ADGRL3: variants seen among roughly 807,000 people sequenced by gnomAD.
ADGRL3 encodes adhesion G protein-coupled receptor L3, also known as calcium-independent alpha-latrotoxin receptor 3.
ADGRL3 carries 62 observed loss-of-function variants against 153.5 expected under a neutral mutation model. The observed-to-expected ratio is 0.40, with a 90% CI of 0.33 to 0.50. The LOEUF (loss-of-function observed/expected upper bound fraction) is 0.50, where lower values mean the gene tolerates loss of function less well. Ranked by LOEUF, ADGRL3 falls within the 20% of genes least tolerant of loss-of-function variation. The pLI, the probability that ADGRL3 is intolerant of heterozygous loss-of-function variation, is 0.47. For synonymous variants in ADGRL3, 710 were observed against 672.5 expected (o/e 1.06, Z -0.86); for missense variants, 1,641 against 1,859.4 (o/e 0.88, Z 2.16).
intron 5 of ADGRL3, among the ~76,000 whole-genome samples, chr4:61,612,693 A>G (rs1338234757): frequency 2.0e-5 from 3 of 152,182 alleles, no homozygotes; most frequent in Non-Finnish European, 4.4e-5. Context: ...GCTAAAACCA[A>G]AAGTGATGGA....
At chr4:61,789,912 G>T (rs2152427936) in intron 8 of ADGRL3, among the ~76,000 whole-genome samples, 1 of 152,224 alleles carries the variant, frequency 6.6e-6, no homozygotes, top group South Asian at 2.1e-4. Context: ...CTCAGCACCT[G>T]TTATTAAAAA....
intron 5 of ADGRL3, 84 bp downstream of exon 5, chr4:61,587,524 T>C: frequency 9.9e-7 from 1 of 1,007,686 alleles, no homozygotes; most frequent in Non-Finnish European, 1.5e-6. Context: ...CATAAGAACA[T>C]AAACAGTGTT....
chr4:61,955,116 G>C lies in ADGRL3; in HGVS notation c.2805+6840G>C, dbSNP rs555746149. Reference sequence around the variant, plus strand: ...AGTAGGGGATAGTGGGTTAGCGTAGGTGTTTTTTGTTTTGTTTCTAAATTT... The same window carrying C: ...AGTAGGGGATAGTGGGTTAGCGTAGCTGTTTTTTGTTTTGTTTCTAAATTT... On this transcript the variant is annotated intron_variant, in intron 17 of 26. Transcript: ENST00000683033. Among the ~76,000 whole-genome samples the C allele has an allele frequency of 1.6e-4, 24 of 152,266 alleles. No homozygotes were observed. The South Asian group carries it at 5.0e-3, about 32-fold the overall frequency.
intron 9 of ADGRL3, among the ~76,000 whole-genome samples, chr4:61,871,022 T>C (rs1412583076): frequency 2.0e-5 from 3 of 152,140 alleles, no homozygotes; most frequent in Non-Finnish European, 4.4e-5. Flanking sequence ...CTCATGCCTG[T>C]AATCCCAGCT....
intron 21 of ADGRL3, among the ~76,000 whole-genome samples, chr4:62,023,845 A>G (rs1716730819): frequency 6.6e-6 from 1 of 152,144 alleles, no homozygotes; most frequent in Non-Finnish European, 1.5e-5. Context: ...GACTCACTTT[A>G]TTGTGATGGT....
chr4:61,346,953 C>A (rs2095926669), intron 1 of ADGRL3, among the ~76,000 whole-genome samples: 1 of 151,962 alleles, frequency 6.6e-6, no homozygotes, highest in South Asian at 2.1e-4. Flanking sequence ...AACTGTGTCA[C>A]ATAAAGAAAT....
At chr4:61,251,251 G>C (rs1302906725) in intron 1 of ADGRL3, among the ~76,000 whole-genome samples, 1 of 152,126 alleles carries the variant, frequency 6.6e-6, no homozygotes, top group Non-Finnish European at 1.5e-5. Flanking sequence ...TCACACGCCT[G>C]GTTTCTGGGC....
Position 62,074,699 on chromosome 4 carries a change from T to C in ADGRL3, c.*3791T>C, listed in dbSNP as rs990365458. On this transcript the variant is annotated 3_prime_UTR_variant, in exon 27 of 27. Transcript: ENST00000683033. ...CGTAAGGGAAATATCCTTAACTTCC[T>C]GTAAAAAAAATTCACATTGACTCTA... The C allele has an allele frequency of 6.6e-6, 1 of 152,142 alleles. No homozygotes were observed. Among genetic ancestry groups the C allele is most frequent in the Non-Finnish European group, 1.5e-5 (1 of 68,018 alleles). The allele number at this position is 152,142 out of a possible 1,614,324, so 9.4% of individuals were successfully genotyped here.
intron 12 of ADGRL3, among the ~76,000 whole-genome samples, chr4:61,911,740 G>A (rs2098722809): frequency 6.6e-6 from 1 of 151,962 alleles, no homozygotes; most frequent in Admixed American, 6.6e-5. Flanking sequence ...AAGAATGCAT[G>A]AATTAGAATT....
At position 61,232,570 on chromosome 4, in the gene ADGRL3, A is replaced by G. The variant is rs1037120222; in HGVS notation, c.-240+30805A>G. 3.3e-5 allele frequency among the ~76,000 whole-genome samples: 5 copies of G among 152,170 alleles called. No individual in the cohort carries two copies. The East Asian group carries it at 9.7e-4, about 29-fold the overall frequency. On this transcript the variant is annotated intron_variant, in intron 1 of 26. Transcript: ENST00000683033. The stretch of plus-strand genomic sequence containing the variant: ...GCGATCCACCTTCCTTGGCCTCCCA[A>G]AGTGCTGGGATTATAGGTGTGAGCC...
At chr4:61,561,698 A>T (rs909503460) in intron 4 of ADGRL3, among the ~76,000 whole-genome samples, 1 of 152,118 alleles carries the variant, frequency 6.6e-6, no homozygotes, top group African/African-American at 2.4e-5. Context: ...TTCAATTTCT[A>T]CCTCATAGAA....
chr4:61,913,080 T>C (rs2098729400), intron 13 of ADGRL3, among the ~76,000 whole-genome samples: 1 of 152,052 alleles, frequency 6.6e-6, no homozygotes, highest in South Asian at 2.1e-4. Context: ...TTTCATTGGG[T>C]CAGCCAATAT....
chr4:61,984,320 G>C (rs2099078358), intron 19 of ADGRL3, among the ~76,000 whole-genome samples: 1 of 152,112 alleles, frequency 6.6e-6, no homozygotes, highest in Non-Finnish European at 1.5e-5. Context: ...AATACAAGTA[G>C]AGAAAAAGAA....
intron 1 of ADGRL3, among the ~76,000 whole-genome samples, chr4:61,261,459 C>CT (rs1029279178): frequency 6.6e-6 from 1 of 151,968 alleles, no homozygotes; most frequent in African/African-American, 2.4e-5. Context: ...GTATCTGGGA[C>CT]TTTTTGGAAT....
chr4:61,346,975 G>GA (rs1302026877), intron 1 of ADGRL3, among the ~76,000 whole-genome samples: 1 of 151,978 alleles, frequency 6.6e-6, no homozygotes, highest in East Asian at 1.9e-4. Context: ...TTAGCCTAAG[G>GA]AAGAGAGTAC....
At chr4:61,356,695 A>G (rs1411522523) in intron 1 of ADGRL3, among the ~76,000 whole-genome samples, 1 of 152,142 alleles carries the variant, frequency 6.6e-6, no homozygotes. Context: ...ATTAAAAACA[A>G]ACATAAAAAT....
At chr4:61,467,849 T>G (rs2152660995) in intron 2 of ADGRL3, among the ~76,000 whole-genome samples, 1 of 152,294 alleles carries the variant, frequency 6.6e-6, no homozygotes, top group South Asian at 2.1e-4. Flanking sequence ...CCTTATAAAA[T>G]ATTGCTTTTT....
At chr4:61,321,442 A>G (rs188485453) in intron 1 of ADGRL3, among the ~76,000 whole-genome samples, 133 of 152,252 alleles carry the variant, frequency 8.7e-4, no homozygotes, top group Non-Finnish European at 1.4e-3. Flanking sequence ...CTAGAAAAGC[A>G]TGTATCAGGA....
chr4:61,770,832 T>G (rs1467711281), intron 8 of ADGRL3, among the ~76,000 whole-genome samples: 2 of 152,194 alleles, frequency 1.3e-5, no homozygotes, highest in African/African-American at 4.8e-5. Context: ...TCCCTATGAG[T>G]TGCATGCCTT....
Sources: gnomAD v4.1 joint callset for allele counts (sites outside exome capture counted in the v4.1 genomes callset) on GRCh38, gnomAD v4.1.1 for gene constraint, MANE v1.5 for transcripts, NCBI Gene and HGNC (gene_info 2026-07-23, HGNC 2026-07-21) for gene names.